APLF: variants seen among roughly 807,000 people sequenced by gnomAD.
APLF encodes the protein aprataxin and PNKP like factor.
A neutral mutation model predicts 55.6 loss-of-function variants in APLF; 61 were observed. That is an observed-to-expected ratio of 1.10 (90% CI 0.89 to 1.36). The LOEUF (loss-of-function observed/expected upper bound fraction) is 1.36, where lower values mean the gene tolerates loss of function less well. APLF is among the 40% of genes most tolerant of loss of function. The probability of loss-of-function intolerance (pLI) is 0.00; values close to 1 mark genes in which losing one functional copy is unlikely to be tolerated. For synonymous variants in APLF, 207 were observed against 214.8 expected (o/e 0.96, Z 0.32); for missense variants, 611 against 602.5 (o/e 1.01, Z -0.15).
At position 68,515,515 on chromosome 2, in the gene APLF, T is replaced by G. The variant is rs560294595; in HGVS notation, c.622+1835T>G. 54 of 894,886 alleles carry G rather than the reference T, an allele frequency of 6.0e-5. No individual in the cohort carries two copies. The African/African-American group carries it at 9.6e-4, about 16-fold the overall frequency. 55.4% of individuals were successfully genotyped at this position (894,886 alleles called of 1,614,324 possible). On this transcript the variant is annotated intron_variant, in intron 5 of 9. Transcript: ENST00000303795. ...AGAATTGTTTTGTACTGCAACTGCT[T>G]CTGTGCTACTGCTTATAATAATAGT...
chr2:68,529,029 G>A lies in APLF; in HGVS notation c.804+2787G>A. 1 of 1,491,574 alleles carries A rather than the reference G, an allele frequency of 6.7e-7. No homozygotes were observed. The highest frequency in any genetic ancestry group is 9.0e-7 in the Non-Finnish European group (1 of 1,106,224). The allele number at this position is 1,491,574 out of a possible 1,614,324, so 92.4% of individuals were successfully genotyped here. Reference sequence around the variant, plus strand: ...TCTGCCCTCACCTCCATTTTCGGGAGCCTGGCTGGGATCACCTGCTCATCT... The same window carrying A: ...TCTGCCCTCACCTCCATTTTCGGGAACCTGGCTGGGATCACCTGCTCATCT... On this transcript the variant is annotated intron_variant, in intron 6 of 9. Transcript: ENST00000303795. This position sits in a 1 kb window ranked among gnomAD's most constrained non-coding sequence, Gnocchi z 4.4.
chr2:68,515,690 T>G, intron 5 of APLF: 7 of 983,642 alleles, frequency 7.1e-6, no homozygotes, highest in Non-Finnish European at 8.4e-6. Context: ...ACAATGTACT[T>G]AAAATGCTAA....
At chr2:68,519,838 T>G (rs1309895785) in intron 5 of APLF, among the ~76,000 whole-genome samples, 2 of 151,694 alleles carry the variant, frequency 1.3e-5, no homozygotes, top group Non-Finnish European at 3.0e-5. Context: ...CAGCCAGTAG[T>G]GGGTTGCTAG....
At chr2:68,470,916 A>G (rs1346749757) in intron 1 of APLF, among the ~76,000 whole-genome samples, 1 of 152,250 alleles carries the variant, frequency 6.6e-6, no homozygotes, top group Non-Finnish European at 1.5e-5. Flanking sequence ...AATGTTCTAC[A>G]AAGTTTACAC....
chr2:68,494,103 G>A (rs1315835840), intron 2 of APLF, among the ~76,000 whole-genome samples: 8 of 143,572 alleles, frequency 5.6e-5, no homozygotes, highest in Non-Finnish European at 9.1e-5. Context: ...GTGAGACTCC[G>A]TCCCAAAAGA....
chr2:68,479,340 C>A (rs1675880564), intron 1 of APLF, among the ~76,000 whole-genome samples: 1 of 152,178 alleles, frequency 6.6e-6, no homozygotes, highest in Non-Finnish European at 1.5e-5. Flanking sequence ...AGGAAACTGT[C>A]CAGATGATAT....
rs1460514328 is a variant in APLF, at chr2:68,545,386, C to T, written c.1286+74C>T. On this transcript the variant is annotated intron_variant, in intron 8 of 9. Transcript: ENST00000303795. ...TTACTTATCTAGGAGAAACTGACAG[C>T]AGCTTGTTATCTCAAGCCTTTTAAT... 10 of 1,483,452 alleles carry T rather than the reference C, an allele frequency of 6.7e-6. No homozygotes were observed. In the East Asian group the frequency reaches 2.1e-4, roughly 31 times the overall value. The allele number at this position is 1,483,452 out of a possible 1,614,324, so 91.9% of individuals were successfully genotyped here. A position where few individuals can be genotyped will look rare whatever the true frequency, so the allele number is the denominator to read the frequency against.
chr2:68,481,261 G>T (rs1009538171), intron 1 of APLF, among the ~76,000 whole-genome samples: 1 of 152,158 alleles, frequency 6.6e-6, no homozygotes, highest in Non-Finnish European at 1.5e-5. Flanking sequence ...AGTATTTCTT[G>T]TAGGGCTTGT....
At chr2:68,518,300 T>A (rs1274697597) in intron 5 of APLF, among the ~76,000 whole-genome samples, 2 of 114,768 alleles carry the variant, frequency 1.7e-5, no homozygotes, top group African/African-American at 3.6e-5. Context: ...TATATTAATA[T>A]ATTATATATT....
At chr2:68,575,437 A>G (rs1671594719) in intron 9 of APLF, among the ~76,000 whole-genome samples, 1 of 152,106 alleles carries the variant, frequency 6.6e-6, no homozygotes, top group Non-Finnish European at 1.5e-5. Flanking sequence ...AAGACTTTAG[A>G]TTTTATTTAG....
chr2:68,501,737 T>C (rs980265603), intron 2 of APLF, among the ~76,000 whole-genome samples: 1 of 152,190 alleles, frequency 6.6e-6, no homozygotes, highest in African/African-American at 2.4e-5. Context: ...ATGGTCTTCA[T>C]AGTGGGAGTT....
chr2:68,578,033 C>T lies in APLF; in HGVS notation c.*11C>T. On this transcript the variant is annotated 3_prime_UTR_variant, in exon 10 of 10. Transcript: ENST00000303795. ...ATGAAAAGAAAATAGTAACTAACTTCTGTAGTCATATCTGCCTTACATTTA... is the reference window on the plus strand; with the variant it reads ...ATGAAAAGAAAATAGTAACTAACTTTTGTAGTCATATCTGCCTTACATTTA... 4 of 1,608,916 alleles carry T rather than the reference C, an allele frequency of 2.5e-6. No homozygotes were observed. The highest frequency in any genetic ancestry group is 3.4e-6 in the Non-Finnish European group (4 of 1,177,724).
At chr2:68,560,995 T>C (rs1234061482) in intron 8 of APLF, among the ~76,000 whole-genome samples, 1 of 152,050 alleles carries the variant, frequency 6.6e-6, no homozygotes, top group Non-Finnish European at 1.5e-5. Context: ...GAAAATATTA[T>C]ATAAATGTGT....
At chr2:68,518,200 A>G (rs1451935800) in intron 5 of APLF, among the ~76,000 whole-genome samples, 2 of 121,928 alleles carry the variant, frequency 1.6e-5, no homozygotes, top group South Asian at 2.4e-4. Context: ...TATTACTAAT[A>G]TATAATAATA....
rs1162597179 is a variant in APLF, at chr2:68,538,137, T to C, written c.1070T>C (p.Leu357Ser). 2 of 1,613,962 alleles carry C rather than the reference T, an allele frequency of 1.2e-6. No individual in the cohort carries two copies. Among genetic ancestry groups the C allele is most frequent in the East Asian group, 4.5e-5 (2 of 44,888 alleles). The change falls in exon 7 of 10, where the codon TTG becomes TCG. Residue 357 changes from leucine to serine, a missense_variant. Physicochemically the swap from Leu to Ser is moderately radical, Grantham distance 145. Coordinates refer to ENST00000303795, the MANE Select transcript of APLF (RefSeq NM_173545.3). Reference protein sequence around the residue: ...SSSNPSNPETLHAKATDSVLQ... With the variant: ...SSSNPSNPETSHAKATDSVLQ... ...TCTAATCCCTCCAATCCTGAAACTT[T>C]GCATGCAAAGGCAACTGATTCAGTT...
chr2:68,545,387 A>T (rs987320770), intron 8 of APLF, 75 bp downstream of exon 8: 1 of 1,485,690 alleles, frequency 6.7e-7, no homozygotes. Context: ...AACTGACAGC[A>T]GCTTGTTATC....
intron 7 of APLF, among the ~76,000 whole-genome samples, chr2:68,539,921 A>C (rs939266368): frequency 6.6e-6 from 1 of 152,194 alleles, no homozygotes; most frequent in Non-Finnish European, 1.5e-5. Context: ...AAAAAGAAAT[A>C]ACATGTAGAG....
intron 9 of APLF, among the ~76,000 whole-genome samples, chr2:68,575,569 C>G (rs1430644772): frequency 1.3e-5 from 2 of 151,188 alleles, no homozygotes; most frequent in Non-Finnish European, 2.9e-5. Context: ...AGTATTGGGG[C>G]CAGGGCATTA....
At chr2:68,575,872 T>C (rs761932921) in intron 9 of APLF, among the ~76,000 whole-genome samples, 1 of 152,104 alleles carries the variant, frequency 6.6e-6, no homozygotes, top group Admixed American at 6.6e-5. Context: ...TAAATGAGTC[T>C]GGAATTCAGG....
Sources: allele counts gnomAD v4.1 joint callset (sites outside exome capture counted in the v4.1 genomes callset), GRCh38; gene constraint gnomAD v4.1.1; non-coding constraint Gnocchi (gnomAD v3.1); transcripts MANE v1.5; gene names NCBI Gene and HGNC (gene_info 2026-07-23, HGNC 2026-07-21).